The following TATDN1 variants were observed in gnomAD, a reference collection of about 807,000 sequenced individuals.
TATDN1 encodes the protein TatD DNase domain containing 1.
In TATDN1, 40 loss-of-function variants were observed where a neutral mutation model predicts 46.4. The ratio of observed to expected loss-of-function variants is 0.86; its 90% CI spans 0.67 to 1.12. The LOEUF (loss-of-function observed/expected upper bound fraction) is 1.12, where lower values mean the gene tolerates loss of function less well. TATDN1 is among the 50% of genes most tolerant of loss of function. TATDN1 has a pLI of 0.00. For synonymous variants in TATDN1, 95 were observed against 105.6 expected (o/e 0.90, Z 0.62); for missense variants, 326 against 348.4 (o/e 0.94, Z 0.51).
chr8:124,492,495 G>C (rs1423440900), intron 11 of TATDN1, among the ~76,000 whole-genome samples: 2 of 151,938 alleles, frequency 1.3e-5, no homozygotes, highest in Non-Finnish European at 2.9e-5. Context: ...AAATTGGCTG[G>C]GTGTGGTAGC....
chr8:124,508,307 G>A (rs547837121), intron 8 of TATDN1, among the ~76,000 whole-genome samples, 167 bp downstream of exon 8: 17 of 152,228 alleles, frequency 1.1e-4, no homozygotes, highest in Admixed American at 4.6e-4. Context: ...AATTTTGTGC[G>A]TGAAACAAAA....
chr8:124,531,341 G>C (rs1820936127), intron 1 of TATDN1, among the ~76,000 whole-genome samples: 1 of 152,158 alleles, frequency 6.6e-6, no homozygotes, highest in Non-Finnish European at 1.5e-5. Flanking sequence ...CTTTAGGCAA[G>C]GACAGGTTAA....
chr8:124,504,917 T>A (rs1563656489), intron 8 of TATDN1, among the ~76,000 whole-genome samples: 3 of 150,814 alleles, frequency 2.0e-5, no homozygotes, highest in Non-Finnish European at 4.4e-5. Context: ...TGGCTAATTT[T>A]GTATTTTTTT....
intron 3 of TATDN1, chr8:124,521,500 G>A (rs900480262): frequency 2.6e-5 from 4 of 152,106 alleles, no homozygotes; most frequent in African/African-American, 9.7e-5. Flanking sequence ...ACAAATAAAA[G>A]TTTAGAGTTG....
intron 1 of TATDN1, among the ~76,000 whole-genome samples, chr8:124,524,747 G>A (rs1488231071): frequency 5.3e-5 from 8 of 152,198 alleles, no homozygotes; most frequent in Admixed American, 2.6e-4. Context: ...AAGGACAAGT[G>A]AGGATTTATT....
intron 10 of TATDN1, 128 bp from the exon 11 acceptor site, chr8:124,494,087 AC>A: frequency 1.2e-6 from 1 of 856,554 alleles, no homozygotes; most frequent in Non-Finnish European, 1.7e-6. Context: ...AGTTATTTCA[AC>A]AGAAAACAGT....
chr8:124,514,550 C>G (rs1400243784), intron 6 of TATDN1, among the ~76,000 whole-genome samples: 1 of 152,186 alleles, frequency 6.6e-6, no homozygotes, highest in Non-Finnish European at 1.5e-5. Context: ...GAGCTCTCAG[C>G]AGTGGCTGGC....
chr8:124,516,486 T>A (rs1045630870), intron 4 of TATDN1, among the ~76,000 whole-genome samples: 3 of 151,988 alleles, frequency 2.0e-5, no homozygotes, highest in East Asian at 3.9e-4. Context: ...ATTTTTTTTT[T>A]TTTGGTAGAG....
At chr8:124,507,980 C>T (rs948178099) in intron 8 of TATDN1, among the ~76,000 whole-genome samples, 1 of 152,130 alleles carries the variant, frequency 6.6e-6, no homozygotes, top group African/African-American at 2.4e-5. Context: ...GGAAAAGAAG[C>T]TCCTAATTCT....
intron 1 of TATDN1, among the ~76,000 whole-genome samples, chr8:124,532,085 G>GGGAGGAGGAGGA (rs558567492): frequency 9.9e-5 from 15 of 151,748 alleles, no homozygotes; most frequent in Admixed American, 9.8e-4. Context: ...GAGCAAGGGG[G>GGGAGGAGGAGGA]GGAGGAGGAG....
chr8:124,538,887 C>T (rs1299131842), intron 1 of TATDN1, 138 bp downstream of exon 1: 1 of 944,534 alleles, frequency 1.1e-6, no homozygotes, highest in Non-Finnish European at 1.7e-6. Flanking sequence ...CCAGAAACCT[C>T]CCCGCGCCCT....
intron 4 of TATDN1, among the ~76,000 whole-genome samples, chr8:124,517,517 A>G (rs1309563076): frequency 6.6e-6 from 1 of 152,186 alleles, no homozygotes; most frequent in Non-Finnish European, 1.5e-5. Flanking sequence ...GCTTTTAGTA[A>G]GTTTTCATAC....
intron 3 of TATDN1, among the ~76,000 whole-genome samples, chr8:124,519,893 C>T (rs534173799): frequency 1.1e-4 from 16 of 152,144 alleles, no homozygotes; most frequent in Admixed American, 9.2e-4. Flanking sequence ...AGCAGTGCTG[C>T]GTAAGGGGCG....
At chr8:124,516,512 G>A (rs535269712) in intron 4 of TATDN1, among the ~76,000 whole-genome samples, 4 of 150,904 alleles carry the variant, frequency 2.7e-5, no homozygotes, top group African/African-American at 7.3e-5. Flanking sequence ...GTTTCGCTAC[G>A]TTGCCCAGGC....
At chr8:124,494,061 G>T in intron 10 of TATDN1, 102 bp from the exon 11 acceptor site, 12 of 1,179,104 alleles carry the variant, frequency 1.0e-5, no homozygotes, top group Non-Finnish European at 1.4e-5. Context: ...CCGTGATTCA[G>T]CTTCCAAAAT....
intron 4 of TATDN1, among the ~76,000 whole-genome samples, chr8:124,518,211 CAAAAAAAAAAAAAAAAAAA>C (rs374487274): frequency 8.7e-5 from 3 of 34,590 alleles, no homozygotes; most frequent in Non-Finnish European, 1.7e-4. Flanking sequence ...GACTCTATCT[CAAAAAAAAAAAAAAAAAAA>C]AAAAAAAAAA....
rs975820036 is a variant in TATDN1 at position 124,515,800 on chromosome 8, TAAAG to T, written c.347-16_347-13del. The T allele has an allele frequency of 6.2e-7, 1 of 1,613,774 alleles. No individual in the cohort carries two copies. The highest frequency in any genetic ancestry group is 1.3e-5 in the African/African-American group (1 of 75,060). ...CAGTCGGTCAAAATCTTTAAAAAGA[TAAAG>T]AAGAATAATTACTCCTAACTTATAC... On this transcript the variant is annotated splice_polypyrimidine_tract_variant and intron_variant, in intron 5 of 11. Coordinates refer to ENST00000276692, the MANE Select transcript of TATDN1 (RefSeq NM_032026.4).
At chr8:124,524,419 G>A (rs1307336519) in intron 1 of TATDN1, among the ~76,000 whole-genome samples, 1 of 152,130 alleles carries the variant, frequency 6.6e-6, no homozygotes, top group East Asian at 1.9e-4. Context: ...TTACTATCTA[G>A]TTTCTTTATA....
intron 11 of TATDN1, among the ~76,000 whole-genome samples, chr8:124,492,188 T>C (rs1393118732): frequency 6.6e-6 from 1 of 152,020 alleles, no homozygotes; most frequent in Admixed American, 6.5e-5. Flanking sequence ...TTGGCCAGGC[T>C]GGTCTCGAGC....
Sources: allele counts gnomAD v4.1 joint callset (sites outside exome capture counted in the v4.1 genomes callset), GRCh38; gene constraint gnomAD v4.1.1; transcripts MANE v1.5; gene names NCBI Gene and HGNC (gene_info 2026-07-23, HGNC 2026-07-21).